Variants in PUM2 observed in about 807,000 individuals in gnomAD.
The protein encoded by PUM2 is pumilio homolog 2.
A neutral mutation model predicts 124.5 loss-of-function variants in PUM2; 57 were observed. The observed-to-expected ratio is 0.46, with a 90% CI of 0.37 to 0.57. The LOEUF is 0.57. Among genes scored for constraint, PUM2 ranks in the 20% least tolerant of loss-of-function variants. The pLI is 0.00. For synonymous variants in PUM2, 460 were observed against 446.1 expected (o/e 1.03, Z -0.39); for missense variants, 1,065 against 1,290.6 (o/e 0.83, Z 2.68).
intron 7 of PUM2, among the ~76,000 whole-genome samples, chr2:20,305,381 G>A (rs995262276): frequency 5.1e-5 from 7 of 136,938 alleles, no homozygotes; most frequent in African/African-American, 1.9e-4. Context: ...GGGAGGCTGA[G>A]ATGAAAGGAT....
Position 20,254,934 on chromosome 2 carries a change from A to G in PUM2, c.2799T>C (p.Pro933=), listed in dbSNP as rs1558471571. ...VIQHVLEHGR[P]EDKSKIVSEI... ...CGGAAACAATTTTGCTCTTGTCTTCAGGTCGACCGTGTTCCAGTACATGCT... is the reference window on the plus strand; with the variant it reads ...CGGAAACAATTTTGCTCTTGTCTTCGGGTCGACCGTGTTCCAGTACATGCT... The change falls in exon 19 of 21, where the codon CCT becomes CCC. Residue 933 remains proline (P), a synonymous_variant. Coordinates refer to ENST00000361078, the MANE Select transcript of PUM2 (RefSeq NM_015317.5). 1 of 1,613,916 alleles carries G rather than the reference A, an allele frequency of 6.2e-7. No homozygotes were observed. The highest frequency in any genetic ancestry group is 2.2e-5 in the East Asian group (1 of 44,856).
intron 2 of PUM2, among the ~76,000 whole-genome samples, chr2:20,320,462 C>G (rs1158195954): frequency 6.6e-6 from 1 of 151,882 alleles, no homozygotes; most frequent in Non-Finnish European, 1.5e-5. Context: ...CCAGGAGAGG[C>G]AGCTTTAAAG....
At chr2:20,325,737 T>C (rs1318013131) in intron 2 of PUM2, among the ~76,000 whole-genome samples, 2 of 151,952 alleles carry the variant, frequency 1.3e-5, no homozygotes, top group African/African-American at 4.8e-5. Flanking sequence ...TTCTCCTGCC[T>C]CAGCCTCCCG....
At chr2:20,327,887 G>A (rs1016824766) in intron 1 of PUM2, among the ~76,000 whole-genome samples, 2 of 152,180 alleles carry the variant, frequency 1.3e-5, no homozygotes, top group Non-Finnish European at 2.9e-5. Context: ...CATGTCCCGT[G>A]TATAAATTAC....
rs1686679465 is a variant in PUM2, at chr2:20,338,990, CACTT to C, written c.-19+11603_-19+11606del. ...AAAATATATACATGATAAAATCACA[CACTT>C]ACATAGTTCTTATAGTCATGTTAAC... On this transcript the variant is annotated intron_variant, in intron 1 of 20. Transcript: ENST00000361078. Among the ~76,000 whole-genome samples the C allele has an allele frequency of 5.3e-5, 8 of 152,244 alleles. No individual in the cohort carries two copies. In the South Asian group the frequency reaches 1.7e-3, roughly 32 times the overall value.
intron 1 of PUM2, among the ~76,000 whole-genome samples, chr2:20,335,260 G>A (rs951881518): frequency 6.6e-5 from 10 of 152,306 alleles, no homozygotes; most frequent in East Asian, 1.9e-4. Flanking sequence ...TTGAACATCC[G>A]TGGTATCTAC....
chr2:20,309,416 G>C (rs543759123), intron 5 of PUM2, among the ~76,000 whole-genome samples: 2 of 150,038 alleles, frequency 1.3e-5, no homozygotes, highest in South Asian at 4.2e-4. Context: ...GCAAGAAAAG[G>C]ATCTTTCTAC....
intron 10 of PUM2, among the ~76,000 whole-genome samples, chr2:20,286,129 T>A (rs1254327340): frequency 2.0e-5 from 3 of 152,026 alleles, no homozygotes; most frequent in Non-Finnish European, 4.4e-5. Flanking sequence ...CCATTAGAGT[T>A]TTGAGGAGAG....
chr2:20,260,504 T>A (rs778207476), intron 14 of PUM2, 38 bp from the exon 15 acceptor site: 3 of 1,548,388 alleles, frequency 1.9e-6, no homozygotes, highest in African/African-American at 1.4e-5. Flanking sequence ...AATATGTTTT[T>A]TAATACACTT....
chr2:20,255,239 G>A lies in PUM2; in HGVS notation c.2725C>T (p.Gln909Ter). Residue 909 changes from glutamine (Q) to a stop codon, truncating the protein, a stop_gained, in exon 18 of 21, where the codon CAA becomes TAA. Coordinates refer to ENST00000361078, the MANE Select transcript of PUM2 (RefSeq NM_015317.5). LOFTEE classifies it high-confidence loss of function. ...ACCTGTACCAACTGCTCTGTATGTT[G>A]GTGGAGTTCTTCTAAGATAGGTAAG... ...QTLPILEELH[Q>*]HTEQLVQDQY... is the part of the protein sequence containing the mutation. 6.2e-7 allele frequency: 1 copy of A among 1,601,686 alleles called. No homozygotes were observed. The highest frequency in any genetic ancestry group is 8.6e-7 in the Non-Finnish European group (1 of 1,168,944).
chr2:20,300,072 G>GA (rs1397123180), intron 7 of PUM2, among the ~76,000 whole-genome samples: 1 of 152,146 alleles, frequency 6.6e-6, no homozygotes, highest in Non-Finnish European at 1.5e-5. Context: ...GGTCTGCGTT[G>GA]ATGTTAATGC....
intron 5 of PUM2, 46 bp downstream of exon 5, chr2:20,311,448 T>C (rs777944140): frequency 3.3e-6 from 5 of 1,529,426 alleles, no homozygotes; most frequent in Non-Finnish European, 3.6e-6. Context: ...ATAGTAATAA[T>C]CCCTAAAAAG....
chr2:20,269,683 TGCAA>T (rs976277043), intron 13 of PUM2, among the ~76,000 whole-genome samples: 4 of 152,246 alleles, frequency 2.6e-5, no homozygotes, highest in African/African-American at 9.6e-5. Flanking sequence ...TATGACAATA[TGCAA>T]GCAAACATTA....
At position 20,297,658 on chromosome 2, in the gene PUM2, G is replaced by C. The variant is rs752968014; in HGVS notation, c.904C>G (p.Leu302Val). The C allele has an allele frequency of 1.9e-6, 3 of 1,613,032 alleles. No individual in the cohort carries two copies. Among genetic ancestry groups the C allele is most frequent in the Non-Finnish European group, 2.5e-6 (3 of 1,179,206 alleles). Residue 302 changes from leucine to valine, a missense_variant, in exon 8 of 21, where the codon CTT becomes GTT. By Grantham distance (32) the Leu-to-Val change is conservative. Transcript: ENST00000361078. ...TTTGGCACAAATGCAGCTGGAGCAA[G>C]GCCTGCTGAGAATACACCAGCTATA... ...PHIAGVFSAG[L>V]APAAFVPNPY... is the part of the protein sequence containing the mutation.
chr2:20,301,361 GTTTAA>G lies in PUM2; in HGVS notation c.884-3688_884-3684del, dbSNP rs1276362268. 3.9e-5 allele frequency among the ~76,000 whole-genome samples: 6 copies of G among 152,070 alleles called. No individual in the cohort carries two copies. In the East Asian group the frequency reaches 9.7e-4, roughly 24 times the overall value. On this transcript the variant is annotated intron_variant, in intron 7 of 20. Coordinates refer to ENST00000361078, the MANE Select transcript of PUM2 (RefSeq NM_015317.5). The stretch of plus-strand genomic sequence containing the variant: ...ACTTATACCACTAAAAAATCTAAAA[GTTTAA>G]TTTAATATAGTTTTATGATAAAAAG...
chr2:20,290,456 AGTCTCAATTTACCATTCCTGTC>A (rs1673768484), intron 10 of PUM2, among the ~76,000 whole-genome samples, 174 bp downstream of exon 10: 1 of 7,124 alleles, frequency 1.4e-4, no homozygotes, highest in African/African-American at 7.4e-4. Context: ...CCTGTCGTTG[AGTCTCAATTTACCATTCCTGTC>A]GTTGAGTCTC....
At chr2:20,280,042 A>T (rs1671134895) in intron 12 of PUM2, among the ~76,000 whole-genome samples, 1 of 152,198 alleles carries the variant, frequency 6.6e-6, no homozygotes, top group South Asian at 2.1e-4. Context: ...ATCTTATTTA[A>T]GCACAAGTCA....
chr2:20,255,033 T>A, intron 18 of PUM2, 49 bp from the exon 19 acceptor site: 2 of 1,569,682 alleles, frequency 1.3e-6, no homozygotes, highest in Non-Finnish European at 1.7e-6. Flanking sequence ...TCCTTAAGAA[T>A]GATATTCTTT....
chr2:20,251,850 T>C (rs1415858492), intron 20 of PUM2, 134 bp from the exon 21 acceptor site: 6 of 1,124,448 alleles, frequency 5.3e-6, no homozygotes, highest in Non-Finnish European at 7.4e-6. Flanking sequence ...GAAAGCTACT[T>C]TTTGCAAAAG....
Sources: allele counts gnomAD v4.1 joint callset (sites outside exome capture counted in the v4.1 genomes callset), GRCh38; gene constraint gnomAD v4.1.1; transcripts MANE v1.5; gene names NCBI Gene and HGNC (gene_info 2026-07-23, HGNC 2026-07-21).